LTBP1: variants seen among roughly 807,000 people sequenced by gnomAD.
The protein encoded by LTBP1 is latent transforming growth factor beta binding protein 1, also known as latent-transforming growth factor beta-binding protein 1.
In LTBP1, 129 loss-of-function variants were observed where a neutral mutation model predicts 207.6. The observed-to-expected ratio is 0.62, with a 90% CI of 0.54 to 0.72. The LOEUF is 0.72. Ranked by LOEUF, LTBP1 falls within the 30% of genes least tolerant of loss-of-function variation. The pLI is 0.00. For missense variants in LTBP1, 2,281 were observed against 2,217.2 expected (o/e 1.03, Z -0.58); for synonymous variants, 963 against 833.7 (o/e 1.16, Z -2.67).
At chr2:33,394,469 T>G (rs2095342312) in intron 32 of LTBP1, among the ~76,000 whole-genome samples, 1 of 152,252 alleles carries the variant, frequency 6.6e-6, no homozygotes, top group African/African-American at 2.4e-5. Context: ...AATTAATTTT[T>G]GTATAATTTT....
At chr2:33,376,140 A>C (rs1246220466) in intron 31 of LTBP1, among the ~76,000 whole-genome samples, 2 of 152,228 alleles carry the variant, frequency 1.3e-5, no homozygotes, top group Non-Finnish European at 2.9e-5. Flanking sequence ...TTATAAGTCT[A>C]ATAAACCAAA....
At chr2:33,338,376 A>G (rs1031354286) in intron 24 of LTBP1, among the ~76,000 whole-genome samples, 1 of 152,210 alleles carries the variant, frequency 6.6e-6, no homozygotes, top group African/African-American at 2.4e-5. Flanking sequence ...ATTGCATAGA[A>G]TTAATAAAAA....
intron 19 of LTBP1, among the ~76,000 whole-genome samples, chr2:33,281,599 T>C (rs1412948451): frequency 6.6e-6 from 1 of 152,168 alleles, no homozygotes; most frequent in African/African-American, 2.4e-5. Flanking sequence ...TTTAAAGCTT[T>C]AGTCTCATCA....
chr2:33,331,556 C>G (rs2094494163), intron 24 of LTBP1, among the ~76,000 whole-genome samples: 1 of 152,112 alleles, frequency 6.6e-6, no homozygotes, highest in South Asian at 2.1e-4. Context: ...TACCTTAAAA[C>G]CACTATGGCC....
chr2:33,177,648 A>G (rs1259350495), intron 5 of LTBP1, among the ~76,000 whole-genome samples: 1 of 152,190 alleles, frequency 6.6e-6, no homozygotes, highest in East Asian at 1.9e-4. Flanking sequence ...AGCCTGGGTG[A>G]CAGAGTGAGA....
At chr2:33,250,923 G>A (rs1220887459) in intron 10 of LTBP1, among the ~76,000 whole-genome samples, 2 of 152,126 alleles carry the variant, frequency 1.3e-5, no homozygotes, top group Admixed American at 1.3e-4. Context: ...AGAAGCAGAG[G>A]GTTGTCTCAC....
chr2:33,394,787 G>A (rs1322779554), intron 32 of LTBP1, among the ~76,000 whole-genome samples: 2 of 152,176 alleles, frequency 1.3e-5, no homozygotes, highest in African/African-American at 2.4e-5. Context: ...TGGCAATGCA[G>A]GCTCTTTTTT....
chr2:33,385,818 G>C (rs1007916968), intron 31 of LTBP1, among the ~76,000 whole-genome samples: 2 of 152,160 alleles, frequency 1.3e-5, no homozygotes, highest in Non-Finnish European at 2.9e-5. Flanking sequence ...TGGTGATGAC[G>C]GGACTTTAGC....
Position 32,971,075 on chromosome 2 carries a change from T to G in LTBP1, c.565+22130T>G, listed in dbSNP as rs139018185. Among the ~76,000 whole-genome samples the G allele has an allele frequency of 5.5e-3, 829 of 151,772 alleles. 7 individuals carry two copies. The highest frequency in any genetic ancestry group is 0.018 in the African/African-American group (763 of 41,406). Reference sequence around the variant, plus strand: ...GTCTTTTGTAAATGGGATTGCATTCTTGATGTGGCGCTCAGCTTGGATGTT... The same window carrying G: ...GTCTTTTGTAAATGGGATTGCATTCGTGATGTGGCGCTCAGCTTGGATGTT... On this transcript the variant is annotated intron_variant, in intron 2 of 33. Coordinates refer to ENST00000404816, the MANE Select transcript of LTBP1 (RefSeq NM_206943.4).
chr2:33,187,543 G>C (rs1443638776), intron 6 of LTBP1, among the ~76,000 whole-genome samples: 1 of 152,002 alleles, frequency 6.6e-6, no homozygotes, highest in Non-Finnish European at 1.5e-5. Context: ...GTCTGTAGAG[G>C]AAAGTAAACT....
At chr2:33,275,188 A>G in intron 17 of LTBP1, 98 bp downstream of exon 17, 1 of 1,410,576 alleles carries the variant, frequency 7.1e-7, no homozygotes, top group Non-Finnish European at 9.6e-7. Flanking sequence ...ACAACCCAGA[A>G]TTTTTTATTA....
chr2:33,247,062 TGAGAATGTGTCCATAGGTTCA>T (rs2092537882), intron 10 of LTBP1, among the ~76,000 whole-genome samples: 1 of 152,210 alleles, frequency 6.6e-6, no homozygotes, highest in South Asian at 2.1e-4. Flanking sequence ...TGAGTGCTGC[TGAGAATGTGTCCATAGGTTCA>T]GTAAAAAGGC....
At chr2:33,392,034 T>G (rs188717119) in intron 32 of LTBP1, among the ~76,000 whole-genome samples, 2 of 152,324 alleles carry the variant, frequency 1.3e-5, no homozygotes, top group East Asian at 3.9e-4. Context: ...GTTGGGTAGA[T>G]AGTAACATAG....
At chr2:32,959,621 A>ATTTTTTT (rs397972038) in intron 2 of LTBP1, among the ~76,000 whole-genome samples, 9 of 36,668 alleles carry the variant, frequency 2.5e-4, no homozygotes, top group African/African-American at 7.7e-4. Flanking sequence ...ATATATATAT[A>ATTTTTTT]TTTTTTTTTT....
At chr2:32,990,446 A>G (rs1040490943) in intron 2 of LTBP1, among the ~76,000 whole-genome samples, 2 of 152,354 alleles carry the variant, frequency 1.3e-5, no homozygotes, top group Admixed American at 6.5e-5. Flanking sequence ...ATGGAGTTCC[A>G]TGTAAAATGC....
At chr2:33,089,059 G>A (rs1012526636) in intron 3 of LTBP1, among the ~76,000 whole-genome samples, 3 of 150,756 alleles carry the variant, frequency 2.0e-5, no homozygotes, top group African/African-American at 7.3e-5. Flanking sequence ...GGGAGGCTGA[G>A]GCAGGAGAAT....
At chr2:33,103,633 T>TGTGTGTGTGTGTGTGTGTGTG (rs780868356) in intron 3 of LTBP1, among the ~76,000 whole-genome samples, 14 of 123,022 alleles carry the variant, frequency 1.1e-4, no homozygotes, top group African/African-American at 2.9e-4. Context: ...GTGTGAGTGT[T>TGTGTGTGTGTGTGTGTGTGTG]ATGCTGCCAT....
intron 2 of LTBP1, among the ~76,000 whole-genome samples, chr2:33,020,658 A>G (rs982936128): frequency 1.3e-5 from 2 of 152,170 alleles, no homozygotes; most frequent in African/African-American, 4.8e-5. Flanking sequence ...ACAATAAAAT[A>G]TCTACAAAAC....
intron 3 of LTBP1, among the ~76,000 whole-genome samples, chr2:33,103,696 T>C (rs1188329314): frequency 6.6e-6 from 1 of 150,974 alleles, no homozygotes; most frequent in Admixed American, 6.6e-5. Context: ...ATGTGCATAT[T>C]GCCCTTGAGC....
Sources: gnomAD v4.1 joint callset for allele counts (sites outside exome capture counted in the v4.1 genomes callset) on GRCh38, gnomAD v4.1.1 for gene constraint, MANE v1.5 for transcripts, NCBI Gene and HGNC (gene_info 2026-07-23, HGNC 2026-07-21) for gene names.